Variants in FBXO15 observed in about 807,000 individuals in gnomAD.
FBXO15 encodes the protein F-box only protein 15.
In FBXO15, 30 loss-of-function variants were observed where a neutral mutation model predicts 49.5. That is an observed-to-expected ratio of 0.61 (90% CI 0.45 to 0.82). The LOEUF is 0.82. FBXO15 is among the 40% of genes least tolerant of loss of function. The pLI is 0.00. For missense variants in FBXO15, 591 were observed against 631.5 expected, an observed-to-expected ratio of 0.94 and a Z score of 0.69; for synonymous variants, 250 against 232.7, an observed-to-expected ratio of 1.07 and a Z score of -0.68.
intron 8 of FBXO15, among the ~76,000 whole-genome samples, chr18:74,110,975 A>T (rs1456701153): frequency 6.6e-6 from 1 of 152,206 alleles, no homozygotes; most frequent in Non-Finnish European, 1.5e-5. Context: ...AGACATCAAC[A>T]CCTCTCTATC....
chr18:74,145,746 C>T (rs748834635), intron 1 of FBXO15, among the ~76,000 whole-genome samples: 4 of 151,966 alleles, frequency 2.6e-5, no homozygotes, highest in Admixed American at 1.3e-4. Context: ...TACAGGCGCC[C>T]GCCACCATGC....
chr18:74,089,061 C>T (rs892250686), intron 8 of FBXO15, among the ~76,000 whole-genome samples: 3 of 152,136 alleles, frequency 2.0e-5, no homozygotes, highest in African/African-American at 4.8e-5. Context: ...TGGTTTGCTG[C>T]ACCTATCAAC....
chr18:74,140,491 G>T (rs1374447253), intron 1 of FBXO15, among the ~76,000 whole-genome samples, 179 bp from the exon 2 acceptor site: 1 of 152,106 alleles, frequency 6.6e-6, no homozygotes, highest in South Asian at 2.1e-4. Context: ...AAGAAAGGCA[G>T]GGAGAAGGGA....
At chr18:74,103,222 C>G (rs1364017469) in intron 8 of FBXO15, among the ~76,000 whole-genome samples, 1 of 151,682 alleles carries the variant, frequency 6.6e-6, no homozygotes, top group Non-Finnish European at 1.5e-5. Flanking sequence ...AATACTTTTG[C>G]TGAACTGAAA....
chr18:74,134,873 G>T (rs190840361), intron 3 of FBXO15, among the ~76,000 whole-genome samples: 1 of 151,978 alleles, frequency 6.6e-6, no homozygotes, highest in East Asian at 1.9e-4. Context: ...GCCACTCTCC[G>T]TCTCCTTACC....
intron 8 of FBXO15, among the ~76,000 whole-genome samples, chr18:74,090,010 C>T (rs1348658857): frequency 6.6e-6 from 1 of 152,102 alleles, no homozygotes; most frequent in African/African-American, 2.4e-5. Flanking sequence ...CTTCTTTATA[C>T]AGCTGGTAGA....
chr18:74,077,178 A>G (rs1425670716), intron 9 of FBXO15, among the ~76,000 whole-genome samples: 1 of 152,210 alleles, frequency 6.6e-6, no homozygotes, highest in East Asian at 1.9e-4. Flanking sequence ...CCACCTGCAT[A>G]TGCACACAGT....
At chr18:74,077,699 T>G (rs1912311709) in intron 9 of FBXO15, among the ~76,000 whole-genome samples, 1 of 151,550 alleles carries the variant, frequency 6.6e-6, no homozygotes, top group Admixed American at 6.6e-5. Flanking sequence ...AATGGGGGAG[T>G]TGAAGCCAAT....
At chr18:74,104,633 C>T (rs1024277082) in intron 8 of FBXO15, among the ~76,000 whole-genome samples, 1 of 152,102 alleles carries the variant, frequency 6.6e-6, no homozygotes, top group Non-Finnish European at 1.5e-5. Flanking sequence ...TGTAGCTGTG[C>T]TTCTACCAAA....
intron 3 of FBXO15, 38 bp from the exon 4 acceptor site, chr18:74,130,696 C>A: frequency 6.3e-7 from 1 of 1,584,550 alleles, no homozygotes; most frequent in Non-Finnish European, 8.6e-7. Context: ...CTAAGAGACA[C>A]TGTCACCTAC....
intron 8 of FBXO15, among the ~76,000 whole-genome samples, chr18:74,118,417 T>TATATATATGTGTATATACAC (rs1555678647): frequency 2.3e-4 from 34 of 149,566 alleles, no homozygotes; most frequent in African/African-American, 7.7e-4. Context: ...TATACACATA[T>TATATATATGTGTATATACAC]ATATATATAT....
At chr18:74,144,401 G>T (rs1010289746) in intron 1 of FBXO15, among the ~76,000 whole-genome samples, 1 of 151,810 alleles carries the variant, frequency 6.6e-6, no homozygotes, top group African/African-American at 2.4e-5. Context: ...TAAGTTGGGG[G>T]GTGGGGGTGT....
chr18:74,088,205 A>C (rs916157706), intron 8 of FBXO15, among the ~76,000 whole-genome samples: 7 of 152,024 alleles, frequency 4.6e-5, no homozygotes, highest in Admixed American at 1.3e-4. Flanking sequence ...AAGCTCTTTA[A>C]AGTAAGTCCC....
intron 8 of FBXO15, 40 bp downstream of exon 8, chr18:74,123,320 ACCTCAACC>A (rs1914550258): frequency 6.3e-7 from 1 of 1,578,222 alleles, no homozygotes; most frequent in South Asian, 1.2e-5. Flanking sequence ...TGGTTCCCTC[ACCTCAACC>A]TTTAATTTCA....
At chr18:74,116,043 A>G (rs1172054707) in intron 8 of FBXO15, among the ~76,000 whole-genome samples, 3 of 152,216 alleles carry the variant, frequency 2.0e-5, no homozygotes, top group African/African-American at 7.2e-5. Flanking sequence ...TATCTGTCTT[A>G]TGCATTTCTC....
chr18:74,138,867 G>A (rs754398051), intron 2 of FBXO15, among the ~76,000 whole-genome samples: 7 of 152,196 alleles, frequency 4.6e-5, no homozygotes, highest in Admixed American at 2.6e-4. Context: ...TGTCAGCCAT[G>A]CCCCCAACTA....
intron 8 of FBXO15, among the ~76,000 whole-genome samples, chr18:74,113,957 C>T (rs562049867): frequency 1.3e-5 from 2 of 152,330 alleles, no homozygotes; most frequent in African/African-American, 4.8e-5. Context: ...ATAGTTCACA[C>T]AGCAGGCCTC....
chr18:74,109,817 C>T (rs980952430), intron 8 of FBXO15, among the ~76,000 whole-genome samples: 8 of 148,784 alleles, frequency 5.4e-5, no homozygotes, highest in African/African-American at 2.0e-4. Flanking sequence ...CATCACACAC[C>T]GGGGTCTGTC....
At chr18:74,095,251 C>A (rs181401965) in intron 8 of FBXO15, among the ~76,000 whole-genome samples, 1 of 152,288 alleles carries the variant, frequency 6.6e-6, no homozygotes, top group Admixed American at 6.5e-5. Flanking sequence ...CTTTAATTTC[C>A]TTCAAGAACT....
Sources: allele counts gnomAD v4.1 joint callset (sites outside exome capture counted in the v4.1 genomes callset), GRCh38; gene constraint gnomAD v4.1.1; transcripts MANE v1.5; gene names NCBI Gene and HGNC (gene_info 2026-07-23, HGNC 2026-07-21).